Variants in TMEM132D observed in about 807,000 individuals in gnomAD.
The protein encoded by TMEM132D is transmembrane protein 132D.
TMEM132D carries 21 observed loss-of-function variants against 62.3 expected under a neutral mutation model. The observed-to-expected ratio is 0.34, with a 90% confidence interval of 0.24 to 0.49. TMEM132D has a LOEUF of 0.49. Among genes scored for constraint, TMEM132D ranks in the 20% least tolerant of loss-of-function variants. TMEM132D has a pLI of 0.99. For missense variants in TMEM132D, 1,346 were observed against 1,402.8 expected, an observed-to-expected ratio of 0.96 and a Z score of 0.65; for synonymous variants, 621 against 575.6, an observed-to-expected ratio of 1.08 and a Z score of -1.13.
intron 3 of TMEM132D, among the ~76,000 whole-genome samples, chr12:129,392,725 C>T (rs1390562834): frequency 6.6e-6 from 1 of 152,204 alleles, no homozygotes; most frequent in African/African-American, 2.4e-5. Context: ...CCAACCCTCA[C>T]CCCAGTGATT....
chr12:129,536,778 A>C (rs1015488180), intron 2 of TMEM132D, among the ~76,000 whole-genome samples: 3 of 152,236 alleles, frequency 2.0e-5, no homozygotes, highest in Admixed American at 2.0e-4. Context: ...ACCAACAGTG[A>C]AGCAGAAGAA....
At chr12:129,868,275 G>T (rs1874125153) in intron 1 of TMEM132D, among the ~76,000 whole-genome samples, 1 of 152,044 alleles carries the variant, frequency 6.6e-6, no homozygotes, top group African/African-American at 2.4e-5. Context: ...GCATTTCTAT[G>T]GTACACACAT....
intron 1 of TMEM132D, among the ~76,000 whole-genome samples, chr12:129,801,521 A>G (rs1871783944): frequency 6.6e-6 from 1 of 151,504 alleles, no homozygotes; most frequent in Admixed American, 6.6e-5. Context: ...GGACATCCAC[A>G]CCAAAAACCC....
At chr12:129,188,762 G>GGAGAGAGAGAGAGAGA (rs569138938) in intron 5 of TMEM132D, among the ~76,000 whole-genome samples, 2 of 126,326 alleles carry the variant, frequency 1.6e-5, no homozygotes, top group Admixed American at 8.3e-5. Context: ...AGGGAGAGAG[G>GGAGAGAGAGAGAGAGA]GAGAGAGAGA....
chr12:129,284,730 C>T (rs1881243987), intron 4 of TMEM132D, among the ~76,000 whole-genome samples: 1 of 152,070 alleles, frequency 6.6e-6, no homozygotes, highest in South Asian at 2.1e-4. Context: ...TATTATTCAG[C>T]CATAAAAAAG....
intron 2 of TMEM132D, among the ~76,000 whole-genome samples, chr12:129,533,881 A>G (rs1170576736): frequency 2.0e-5 from 3 of 152,242 alleles, no homozygotes; most frequent in Admixed American, 2.0e-4. Flanking sequence ...AAGAAGGCAT[A>G]CTCAAGAGGT....
At chr12:129,265,306 T>C (rs1023497103) in intron 4 of TMEM132D, among the ~76,000 whole-genome samples, 3 of 152,060 alleles carry the variant, frequency 2.0e-5, no homozygotes, top group African/African-American at 7.2e-5. Flanking sequence ...AAAGAAAAAG[T>C]GGTTTGAATG....
At chr12:129,391,274 T>C (rs180683932) in intron 3 of TMEM132D, among the ~76,000 whole-genome samples, 2 of 152,288 alleles carry the variant, frequency 1.3e-5, no homozygotes, top group East Asian at 3.9e-4. Flanking sequence ...AATATACCTG[T>C]TTAAACTTGA....
chr12:129,477,518 A>T (rs1874301264), intron 3 of TMEM132D, among the ~76,000 whole-genome samples: 1 of 152,192 alleles, frequency 6.6e-6, no homozygotes, highest in South Asian at 2.1e-4. Flanking sequence ...AGAGAGAATC[A>T]TGTTAAAAAT....
intron 1 of TMEM132D, among the ~76,000 whole-genome samples, chr12:129,810,872 CAT>C (rs2137315742): frequency 6.6e-6 from 1 of 152,124 alleles, no homozygotes; most frequent in Admixed American, 6.5e-5. Context: ...AAATACAAGA[CAT>C]AGGTATTTGT....
chr12:129,141,453 G>A (rs1876738419), intron 5 of TMEM132D, among the ~76,000 whole-genome samples: 1 of 152,174 alleles, frequency 6.6e-6, no homozygotes, highest in South Asian at 2.1e-4. Flanking sequence ...TTGGTGTTCT[G>A]TATATGATGG....
chr12:129,346,531 G>C (rs1197208123), intron 3 of TMEM132D, among the ~76,000 whole-genome samples: 2 of 151,826 alleles, frequency 1.3e-5, no homozygotes, highest in Non-Finnish European at 2.9e-5. Flanking sequence ...GTGACGTTAG[G>C]GTGTCGAGTT....
chr12:129,465,786 G>A (rs1342441731), intron 3 of TMEM132D, among the ~76,000 whole-genome samples: 6 of 152,150 alleles, frequency 3.9e-5, no homozygotes, highest in African/African-American at 1.2e-4. Flanking sequence ...AGGTTCAGGT[G>A]ATTTTTGTGC....
chr12:129,321,039 ATC>A (rs1398901122), intron 4 of TMEM132D, among the ~76,000 whole-genome samples: 2 of 151,290 alleles, frequency 1.3e-5, no homozygotes, highest in Non-Finnish European at 2.9e-5. Context: ...TAGCTTTATT[ATC>A]TTTTTCTCTA....
chr12:129,276,223 C>T lies in TMEM132D; in HGVS notation c.1299+61411G>A, dbSNP rs145897767. Among the ~76,000 whole-genome samples, 8 of 152,302 alleles carry T rather than the reference C, an allele frequency of 5.3e-5. No homozygotes were observed. In the East Asian group the frequency reaches 1.5e-3, roughly 29 times the overall value. ...ATGTAATTCATTGACCATTCTTCCA[C>T]GTGGAATTTCTCTTCGTATTATTAC... On this transcript the variant is annotated intron_variant, in intron 4 of 8. Coordinates refer to ENST00000422113, the MANE Select transcript of TMEM132D (RefSeq NM_133448.3).
chr12:129,171,030 A>G (rs1483137676), intron 5 of TMEM132D, among the ~76,000 whole-genome samples: 1 of 152,208 alleles, frequency 6.6e-6, no homozygotes, highest in African/African-American at 2.4e-5. Context: ...ACTTCTCTGT[A>G]GCATGCGATG....
chr12:129,364,878 C>T (rs1319342725), intron 3 of TMEM132D, among the ~76,000 whole-genome samples: 1 of 152,162 alleles, frequency 6.6e-6, no homozygotes, highest in East Asian at 1.9e-4. Context: ...GAGAGGGTAG[C>T]TTATGTTTAT....
intron 3 of TMEM132D, among the ~76,000 whole-genome samples, chr12:129,447,181 T>C (rs1264192470): frequency 6.6e-6 from 1 of 152,188 alleles, no homozygotes; most frequent in Non-Finnish European, 1.5e-5. Flanking sequence ...CAATTTGCTT[T>C]TCCAACCACC....
chr12:129,903,291 G>C lies in TMEM132D; in HGVS notation c.49C>G (p.Leu17Val). ...GTLWHHWSPV[L>V]ISLAALFSKV... ...GAAAACAGGGCGGCCAGGCTGATGA[G>C]TACCGGCGACCAGTGGTGCCACAGC... is the stretch of plus-strand genomic sequence containing the variant. The change falls in exon 1 of 9, where the codon CTC becomes GTC. Residue 17 changes from leucine (L) to valine (V), a missense_variant. By Grantham distance (32) the Leu-to-Val change is conservative. Coordinates refer to ENST00000422113, the MANE Select transcript of TMEM132D (RefSeq NM_133448.3). The surrounding 1 kb of genome is among the most constrained non-coding windows in gnomAD (Gnocchi z 6.2). 1 of 1,554,532 alleles carries C rather than the reference G, an allele frequency of 6.4e-7. No homozygotes were observed. The highest frequency in any genetic ancestry group is 1.2e-5 in the South Asian group (1 of 84,196).
Sources: allele counts gnomAD v4.1 joint callset (sites outside exome capture counted in the v4.1 genomes callset), GRCh38; gene constraint gnomAD v4.1.1; non-coding constraint Gnocchi (gnomAD v3.1); transcripts MANE v1.5; gene names NCBI Gene and HGNC (gene_info 2026-07-23, HGNC 2026-07-21).